Variants in NLRP2 observed in about 807,000 individuals in gnomAD.
NLRP2 encodes the protein NLR family pyrin domain containing 2.
NLRP2 carries 107 observed loss-of-function variants against 97.2 expected under a neutral mutation model. That is an observed-to-expected ratio of 1.10 (90% CI 0.94 to 1.29). NLRP2 has a LOEUF of 1.29. NLRP2 is among the 50% of genes most tolerant of loss of function. NLRP2 has a pLI of 0.00. For synonymous variants in NLRP2, 663 were observed against 551.5 expected (o/e 1.20, Z -2.83); for missense variants, 1,495 against 1,330.3 (o/e 1.12, Z -1.93).
intron 1 of NLRP2, among the ~76,000 whole-genome samples, chr19:54,967,164 G>A (rs2070504131): frequency 6.6e-6 from 1 of 152,012 alleles, no homozygotes; most frequent in Admixed American, 6.6e-5. Flanking sequence ...ACCGCGCCCG[G>A]CCTAAATCTT....
intron 8 of NLRP2, among the ~76,000 whole-genome samples, chr19:54,988,567 A>G (rs545918982): frequency 1.3e-5 from 2 of 152,162 alleles, no homozygotes; most frequent in East Asian, 3.9e-4. Flanking sequence ...AATTTTTGGT[A>G]TATTTAGTAG....
At chr19:54,980,314 G>T (rs1466402260) in intron 4 of NLRP2, among the ~76,000 whole-genome samples, 1 of 151,774 alleles carries the variant, frequency 6.6e-6, no homozygotes, top group Admixed American at 6.6e-5. Flanking sequence ...TTCTGCCTCA[G>T]CCTCCCCAGT....
At chr19:54,989,974 C>T (rs750721402) in intron 8 of NLRP2, 48 bp from the exon 9 acceptor site, 2 of 1,561,282 alleles carry the variant, frequency 1.3e-6, no homozygotes, top group Admixed American at 1.8e-5. Flanking sequence ...GAGTGAGACT[C>T]AGTCTCAAAA....
At chr19:54,984,914 G>C in intron 6 of NLRP2, 133 bp from the exon 7 acceptor site, 1 of 825,554 alleles carries the variant, frequency 1.2e-6, no homozygotes. Flanking sequence ...TCTGATGGTG[G>C]TGCTAATAAG....
At chr19:54,989,654 G>T (rs921485429) in intron 8 of NLRP2, 2 of 369,616 alleles carry the variant, frequency 5.4e-6, no homozygotes, top group Non-Finnish European at 1.0e-5. Flanking sequence ...CCAGTGAGAT[G>T]TAAACCAAAG....
chr19:54,994,815 T>A (rs2072716039), intron 11 of NLRP2, among the ~76,000 whole-genome samples: 1 of 151,658 alleles, frequency 6.6e-6, no homozygotes, highest in African/African-American at 2.4e-5. Context: ...TTCGCCATGT[T>A]GAAGGTTCAT....
intron 1 of NLRP2, among the ~76,000 whole-genome samples, chr19:54,968,770 A>C (rs1344970111): frequency 7.1e-6 from 1 of 140,056 alleles, no homozygotes; most frequent in Non-Finnish European, 1.5e-5. Context: ...ATGTCAGCTC[A>C]CCACAACCTC....
chr19:54,997,588 G>C, intron 12 of NLRP2, 101 bp downstream of exon 12: 1 of 1,241,540 alleles, frequency 8.1e-7, no homozygotes, highest in Non-Finnish European at 1.2e-6. Context: ...CTGGTAGCTG[G>C]ATTACAGGTT....
intron 7 of NLRP2, 31 bp downstream of exon 7, chr19:54,985,248 C>A (rs538438917): frequency 2.5e-6 from 4 of 1,597,974 alleles, no homozygotes; most frequent in Non-Finnish European, 3.4e-6. Flanking sequence ...GAACTCAAAT[C>A]CTTAGGGTAT....
Position 54,982,169 on chromosome 19 carries a change from C to T in NLRP2, c.471C>T (p.Asp157=). Residue 157 remains aspartate, a synonymous_variant, in exon 6 of 13, where the codon GAC becomes GAT. Transcript: ENST00000448584. The part of the protein sequence containing the change: ...EVFKGKKPDK[D]NRCRYILKTK... ...TCCTCACCAATGATAAAGACAAAGA[C>T]AATAGGTGCAGGTATATATTGAAGA... 2 of 1,614,056 alleles carry T rather than the reference C, an allele frequency of 1.2e-6. No individual in the cohort carries two copies. The highest frequency in any genetic ancestry group is 1.1e-5 in the South Asian group (1 of 91,078).
intron 1 of NLRP2, among the ~76,000 whole-genome samples, 178 bp downstream of exon 1, chr19:54,966,645 A>G (rs1418436107): frequency 6.6e-6 from 1 of 152,000 alleles, no homozygotes; most frequent in South Asian, 2.1e-4. Context: ...TCCCGGGTTC[A>G]GGCCATTCTC....
Position 55,000,433 on chromosome 19 carries a change from C to T in NLRP2, c.3051-327C>T, listed in dbSNP as rs752215882. ...CTGGGACTACAGGCGTCCGCCACCA[C>T]GCCCGGCTAATTTTTTGTATTTTTT... On this transcript the variant is annotated intron_variant, in intron 12 of 12. Transcript: ENST00000448584. Among the ~76,000 whole-genome samples the T allele has an allele frequency of 6.5e-3, 974 of 150,818 alleles. 25 individuals carry two copies. Among genetic ancestry groups the T allele is most frequent in the East Asian group, 8.9e-3 (45 of 5,052 alleles).
intron 4 of NLRP2, among the ~76,000 whole-genome samples, chr19:54,979,412 G>A (rs192338033): frequency 1.4e-4 from 21 of 151,160 alleles, no homozygotes; most frequent in Non-Finnish European, 2.8e-4. Flanking sequence ...GTGTGATCTC[G>A]GCTCGCCACA....
At position 54,983,312 on chromosome 19, in the gene NLRP2, G is replaced by A; in HGVS notation, c.1614G>A (p.Leu538=). ...HTWDIGDVQK[L]LSGVERLRNP... ...GGGACATTGGGGACGTACAGAAGCTGCTTTCCGGAGTAGAAAGACTCAGGA... is the reference window on the plus strand; with the variant it reads ...GGGACATTGGGGACGTACAGAAGCTACTTTCCGGAGTAGAAAGACTCAGGA... Residue 538 remains leucine, a synonymous_variant, in exon 6 of 13, where the codon CTG becomes CTA. Coordinates refer to ENST00000448584, the MANE Select transcript of NLRP2 (RefSeq NM_017852.5). 2 of 1,614,230 alleles carry A rather than the reference G, an allele frequency of 1.2e-6. No individual in the cohort carries two copies. The highest frequency in any genetic ancestry group is 1.7e-6 in the Non-Finnish European group (2 of 1,180,040).
intron 4 of NLRP2, 46 bp downstream of exon 4, chr19:54,977,869 C>A (rs865786259): frequency 1.3e-6 from 2 of 1,552,768 alleles, no homozygotes; most frequent in African/African-American, 2.7e-5. Context: ...AGGAAGCCCC[C>A]CGTTCTTGCT....
rs574135212 is a variant in NLRP2 at position 54,982,862 on chromosome 19, C to T, written c.1164C>T (p.Asn388=). The change falls in exon 6 of 13, where the codon AAC becomes AAT. Residue 388 remains asparagine, a synonymous_variant. Coordinates refer to ENST00000448584, the MANE Select transcript of NLRP2 (RefSeq NM_017852.5). The part of the protein sequence containing the change: ...AMRAFELMRS[N]AALFQLGSAP... ...GTGCCTTTGAGCTAATGAGGAGCAA[C>T]GCGGCCCTGTTCCAGCTGGGCTCGG... The T allele has an allele frequency of 1.2e-5, 19 of 1,613,016 alleles. No individual in the cohort carries two copies. The highest frequency in any genetic ancestry group is 6.7e-5 in the East Asian group (3 of 44,880).
At position 54,990,597 on chromosome 19, in the gene NLRP2, A is replaced by C; in HGVS notation, c.2633A>C (p.Asn878Thr). 1.2e-6 allele frequency: 2 copies of C among 1,614,056 alleles called. No homozygotes were observed. Among genetic ancestry groups the C allele is most frequent in the Non-Finnish European group, 1.7e-6 (2 of 1,180,020 alleles). ...CTGACACACCTGTGCTTGGCCAAGA[A>C]CCCCATTGGGAATACAGGGGTGAAG... ...RELTHLCLAK[N>T]PIGNTGVKFL... Residue 878 changes from asparagine (N) to threonine (T), a missense_variant, in exon 10 of 13, where the codon AAC (asparagine) becomes ACC (threonine). Coordinates refer to ENST00000448584, the MANE Select transcript of NLRP2 (RefSeq NM_017852.5).
At position 54,986,217 on chromosome 19, in the gene NLRP2, T is replaced by C; in HGVS notation, c.2268T>C (p.Thr756=). ...NLCLALRGHK[T]VTYLTLQGND... ...GCCTAGCTCTTCGAGGTCACAAGAC[T>C]GTAACGTATCTGACCCTTCAAGGCA... The change falls in exon 8 of 13, where the codon ACT becomes ACC. Residue 756 remains threonine (T), a synonymous_variant. Transcript: ENST00000448584. The C allele has an allele frequency of 6.2e-7, 1 of 1,613,412 alleles. No homozygotes were observed. Among genetic ancestry groups the C allele is most frequent in the Non-Finnish European group, 8.5e-7 (1 of 1,179,370 alleles).
At chr19:54,972,196 T>C (rs1008163818) in intron 2 of NLRP2, among the ~76,000 whole-genome samples, 2 of 151,840 alleles carry the variant, frequency 1.3e-5, no homozygotes, top group Non-Finnish European at 2.9e-5. Flanking sequence ...TTTTTTTGTT[T>C]GTTTGAGACA....
Sources: allele counts gnomAD v4.1 joint callset (sites outside exome capture counted in the v4.1 genomes callset), GRCh38; gene constraint gnomAD v4.1.1; transcripts MANE v1.5; gene names NCBI Gene and HGNC (gene_info 2026-07-23, HGNC 2026-07-21).